Variants in NTM observed in about 807,000 individuals in gnomAD.
The protein encoded by NTM is IgLON family member 2.
In NTM, 13 loss-of-function variants were observed where a neutral mutation model predicts 42.1. The observed-to-expected ratio is 0.31, with a 90% CI of 0.20 to 0.49. The LOEUF is 0.49. Among genes scored for constraint, NTM ranks in the 20% least tolerant of loss-of-function variants. The pLI is 0.99. For synonymous variants in NTM, 187 were observed against 179.2 expected (o/e 1.04, Z -0.35); for missense variants, 373 against 452.8 (o/e 0.82, Z 1.60).
At chr11:132,085,990 C>T (rs544145823) in intron 2 of NTM, among the ~76,000 whole-genome samples, 1 of 152,168 alleles carries the variant, frequency 6.6e-6, no homozygotes, top group East Asian at 1.9e-4. Context: ...AGTCTCAGAG[C>T]ATCAGAAGTT....
intron 1 of NTM, among the ~76,000 whole-genome samples, chr11:131,544,099 G>A (rs904519173): frequency 6.6e-6 from 1 of 152,164 alleles, no homozygotes; most frequent in African/African-American, 2.4e-5. Context: ...ATGCATGCAG[G>A]TCAGTCCCAT....
intron 1 of NTM, among the ~76,000 whole-genome samples, chr11:131,694,496 AG>A (rs2075185168): frequency 6.6e-6 from 1 of 152,214 alleles, no homozygotes; most frequent in Non-Finnish European, 1.5e-5. Context: ...AGCTCAGAGT[AG>A]GGGGAGTTGC....
intron 1 of NTM, among the ~76,000 whole-genome samples, chr11:131,736,502 A>AGCCCTTTCT (rs985400146): frequency 6.6e-6 from 1 of 152,184 alleles, no homozygotes. Flanking sequence ...TGGGAGGCGT[A>AGCCCTTTCT]GCCCTTTCTG....
At chr11:131,589,167 A>ATGTGTGTGTGTGTGTGTGTGTGTGTG (rs58237274) in intron 1 of NTM, among the ~76,000 whole-genome samples, 13 of 143,600 alleles carry the variant, frequency 9.1e-5, no homozygotes, top group African/African-American at 3.1e-4. Context: ...ACCTGGAAAA[A>ATGTGTGTGTGTGTGTGTGTGTGTGTG]TGTGTGTGTG....
At chr11:132,056,771 A>G (rs1261840931) in intron 2 of NTM, among the ~76,000 whole-genome samples, 3 of 152,140 alleles carry the variant, frequency 2.0e-5, no homozygotes, top group African/African-American at 7.2e-5. Flanking sequence ...CTGTTAGCCA[A>G]ATTCTTACAC....
At chr11:131,632,583 T>C (rs1048563391) in intron 1 of NTM, among the ~76,000 whole-genome samples, 3 of 152,008 alleles carry the variant, frequency 2.0e-5, no homozygotes, top group Admixed American at 1.3e-4. Flanking sequence ...GTTTCTTTTT[T>C]ATTTCTTATT....
At chr11:131,902,469 G>C (rs2053315352) in intron 1 of NTM, among the ~76,000 whole-genome samples, 1 of 152,312 alleles carries the variant, frequency 6.6e-6, no homozygotes, top group Admixed American at 6.5e-5. Flanking sequence ...TAAACATTTA[G>C]AACCTTAGAG....
Position 132,211,707 on chromosome 11 carries a change from G to A in NTM, c.401-315G>A, listed in dbSNP as rs1327818743. The A allele has an allele frequency of 9.1e-5, 22 of 240,862 alleles. 1 individual carries two copies. Among genetic ancestry groups the A allele is most frequent in the East Asian group, 6.8e-4 (5 of 7,392 alleles). 14.9% of individuals were successfully genotyped at this position (240,862 alleles called of 1,614,324 possible). On this transcript the variant is annotated intron_variant, in intron 3 of 8. Transcript: ENST00000683400. ...CTGAATGCAGTGTGGAGGATGGCTCGTGGATATGTGTTGGAGGTGGGTGGG... is the reference window on the plus strand; with the variant it reads ...CTGAATGCAGTGTGGAGGATGGCTCATGGATATGTGTTGGAGGTGGGTGGG...
chr11:131,518,361 G>A (rs997311255), intron 1 of NTM, among the ~76,000 whole-genome samples: 3 of 152,152 alleles, frequency 2.0e-5, no homozygotes, highest in Non-Finnish European at 4.4e-5. Flanking sequence ...AGAGGATGCA[G>A]GAAGTCCTCA....
At chr11:131,782,228 A>G (rs2088280401) in intron 1 of NTM, among the ~76,000 whole-genome samples, 1 of 152,184 alleles carries the variant, frequency 6.6e-6, no homozygotes, top group Non-Finnish European at 1.5e-5. Context: ...ACTTCTACAG[A>G]CATTAAAAGG....
At chr11:131,830,728 G>T (rs1203081035) in intron 1 of NTM, among the ~76,000 whole-genome samples, 1 of 152,150 alleles carries the variant, frequency 6.6e-6, no homozygotes, top group Non-Finnish European at 1.5e-5. Context: ...AGCTGGATAG[G>T]AATAATGTTG....
Position 132,211,997 on chromosome 11 carries a change from T to C in NTM, c.401-25T>C, listed in dbSNP as rs749474916. On this transcript the variant is annotated intron_variant, in intron 3 of 8. Coordinates refer to ENST00000683400, the MANE Select transcript of NTM (RefSeq NM_001352005.2). ...AAGAAATGTTTCAGGAGGATTTTTA[T>C]TTTCATTCTGTCTTGTTTCCACAGT... is the stretch of plus-strand genomic sequence containing the variant. 3 of 1,601,996 alleles carry C rather than the reference T, an allele frequency of 1.9e-6. No individual in the cohort carries two copies. The South Asian group carries it at 3.4e-5, about 18-fold the overall frequency.
At chr11:132,078,060 C>G (rs536927223) in intron 2 of NTM, among the ~76,000 whole-genome samples, 1 of 152,264 alleles carries the variant, frequency 6.6e-6, no homozygotes, top group African/African-American at 2.4e-5. Context: ...TGGAAAAACT[C>G]ATATTTTCTT....
At chr11:132,145,388 C>G (rs1365553815) in intron 2 of NTM, among the ~76,000 whole-genome samples, 16 of 135,028 alleles carry the variant, frequency 1.2e-4, no homozygotes, top group Admixed American at 2.9e-4. Context: ...GCATTATAGT[C>G]AGGATCAGGA....
chr11:132,291,347 T>G (rs572679218), intron 4 of NTM, among the ~76,000 whole-genome samples: 48 of 152,262 alleles, frequency 3.2e-4, no homozygotes, highest in African/African-American at 1.1e-3. Context: ...TTCTACATTT[T>G]TTTTTGAGAA....
chr11:131,930,918 A>G (rs2058521925), intron 2 of NTM, among the ~76,000 whole-genome samples: 1 of 152,238 alleles, frequency 6.6e-6, no homozygotes, highest in African/African-American at 2.4e-5. Flanking sequence ...TAACTGGTCT[A>G]CAACCCATCA....
chr11:132,172,576 A>G lies in NTM; in HGVS notation c.400+26062A>G, dbSNP rs1424070403. The stretch of plus-strand genomic sequence containing the variant: ...ATCTACTGAAATGTCAATAATTAAA[A>G]GCCAAAAAAGTTATTGGAAAGGCTC... On this transcript the variant is annotated intron_variant, in intron 3 of 8. Transcript: ENST00000683400. 5.9e-5 allele frequency among the ~76,000 whole-genome samples: 9 copies of G among 152,216 alleles called. 1 individual carries two copies. Among genetic ancestry groups the G allele is most frequent in the Admixed American group, 5.9e-4 (9 of 15,282 alleles).
intron 3 of NTM, among the ~76,000 whole-genome samples, chr11:132,206,687 G>C (rs932822988): frequency 6.6e-6 from 1 of 152,146 alleles, no homozygotes; most frequent in Admixed American, 6.5e-5. Context: ...TCTTCAGTTT[G>C]TGGATTTCTG....
rs116412785 is a variant in NTM, at chr11:131,855,004, C to T, written c.83-56560C>T. 4.6e-3 allele frequency among the ~76,000 whole-genome samples: 693 copies of T among 152,136 alleles called. 7 individuals are homozygous for T. Among genetic ancestry groups the T allele is most frequent in the African/African-American group, 0.015 (621 of 41,500 alleles). On this transcript the variant is annotated intron_variant, in intron 1 of 8. Transcript: ENST00000683400. ...ATTTGGGAAGGGAGGAATGAAGATG[C>T]GGATGTGTGGGACCGGTGCTGATGG...
Sources: gnomAD v4.1 joint callset for allele counts (sites outside exome capture counted in the v4.1 genomes callset) on GRCh38, gnomAD v4.1.1 for gene constraint, MANE v1.5 for transcripts, NCBI Gene and HGNC (gene_info 2026-07-23, HGNC 2026-07-21) for gene names.